The following SRCAP variants were observed in gnomAD, a reference collection of about 807,000 sequenced individuals.
SRCAP encodes the protein chromatin remodeling protein SRCAP.
In SRCAP, 46 loss-of-function variants were observed where a neutral mutation model predicts 263.1. That is an observed-to-expected ratio of 0.17 (90% CI 0.14 to 0.22). SRCAP has a LOEUF of 0.22. Among genes scored for constraint, SRCAP ranks in the 10% least tolerant of loss-of-function variants. The pLI, the probability that SRCAP is intolerant of heterozygous loss-of-function variation, is 1.00. For missense variants in SRCAP, 3,695 were observed against 4,181.9 expected (o/e 0.88, Z 3.21); for synonymous variants, 1,813 against 1,662.1 (o/e 1.09, Z -2.21).
intron 18 of SRCAP, 99 bp downstream of exon 18, chr16:30,716,578 A>G (rs1228894139): frequency 6.8e-6 from 7 of 1,023,840 alleles, no homozygotes; most frequent in African/African-American, 1.6e-5. Context: ...TTGCATCCTC[A>G]TGACTCCCCT....
chr16:30,736,099 G>C, intron 31 of SRCAP, 101 bp from the exon 32 acceptor site: 1 of 1,427,942 alleles, frequency 7.0e-7, no homozygotes, highest in Non-Finnish European at 9.5e-7. Context: ...TGCAAACCTA[G>C]TTTGGTGTAC....
chr16:30,699,661 TC>T (rs2052743663), intron 1 of SRCAP, among the ~76,000 whole-genome samples: 1 of 152,130 alleles, frequency 6.6e-6, no homozygotes, highest in Admixed American at 6.5e-5. Flanking sequence ...TTTTTTGTCT[TC>T]CATTCTGTGG....
In SRCAP at chr16:30,739,574, T is replaced by TGAG. The variant is rs376601598; in HGVS notation, c.9543_9545dup (p.Glu3182dup). 6 of 1,605,702 alleles carry TGAG rather than the reference T, an allele frequency of 3.7e-6. No homozygotes were observed. The highest frequency in any genetic ancestry group is 4.5e-5 in the East Asian group (2 of 44,414). On this transcript the variant is annotated inframe_insertion, in exon 34 of 34. Coordinates refer to ENST00000262518, the MANE Select transcript of SRCAP (RefSeq NM_006662.3). ...AGGAGTCTGAGGCTGAAGCCTCAGG[T>TGAG]GAGGAGGAGGAAGGGGATGGGACCC...
chr16:30,722,703 A>T lies in SRCAP; in HGVS notation c.3847A>T (p.Thr1283Ser), dbSNP rs749331646. ...GCTGCCTTCTTCGACCCCCAGCACC[A>T]CCCCTGCCCCTACTGGCCTCAGCCT... is the stretch of plus-strand genomic sequence containing the variant. The part of the protein sequence containing the change: ...SVLPSSTPST[T>S]PAPTGLSLPL... The change falls in exon 23 of 34, where the codon ACC becomes TCC. Residue 1283 changes from threonine (T) to serine (S), a missense_variant. Around this residue, in one of 12 missense-constraint regions of SRCAP, gnomAD observed 1,347 missense variants for 1,304.4 expected, o/e 1.03. Transcript: ENST00000262518. 2.5e-6 allele frequency: 4 copies of T among 1,611,004 alleles called. No individual in the cohort carries two copies. The highest frequency in any genetic ancestry group is 3.4e-6 in the Non-Finnish European group (4 of 1,179,112).
chr16:30,702,597 T>TTCCCTCCC (rs1246216418), intron 3 of SRCAP, among the ~76,000 whole-genome samples: 3 of 89,094 alleles, frequency 3.4e-5, no homozygotes, highest in South Asian at 4.8e-4. Flanking sequence ...CTTCCCTGCC[T>TTCCCTCCC]TCCCTCCCTC....
At chr16:30,706,509 T>A (rs2052828942) in intron 4 of SRCAP, among the ~76,000 whole-genome samples, 1 of 152,072 alleles carries the variant, frequency 6.6e-6, no homozygotes, top group African/African-American at 2.4e-5. Flanking sequence ...GTCAAAAAAA[T>A]TTTAAATGCT....
At chr16:30,731,216 T>C (rs139684506) in intron 27 of SRCAP, among the ~76,000 whole-genome samples, 274 of 152,282 alleles carry the variant, frequency 1.8e-3, no homozygotes, top group African/African-American at 5.9e-3. Context: ...ATGCCCATAC[T>C]TAGAGCAATC....
At chr16:30,702,389 C>T (rs901137410) in intron 3 of SRCAP, among the ~76,000 whole-genome samples, 2 of 151,962 alleles carry the variant, frequency 1.3e-5, no homozygotes. Context: ...TCCGCCACCA[C>T]GCCCAGCTAA....
Position 30,724,684 on chromosome 16 carries a change from C to T in SRCAP, c.5260C>T (p.Leu1754=), listed in dbSNP as rs1288280339. The part of the protein sequence containing the change: ...QTLSLAPAPP[L]APASPVGPAP... ...GCTGTCTCTGGCTCCAGCACCCCCT[C>T]TGGCTCCAGCTTCTCCAGTGGGCCC... Residue 1754 remains leucine, a synonymous_variant, in exon 25 of 34, where the codon CTG becomes TTG. Transcript: ENST00000262518. The T allele has an allele frequency of 1.9e-6, 3 of 1,614,068 alleles. No individual in the cohort carries two copies. Among genetic ancestry groups the T allele is most frequent in the Non-Finnish European group, 2.5e-6 (3 of 1,180,042 alleles).
chr16:30,701,005 C>A, intron 3 of SRCAP, 127 bp downstream of exon 3: 1 of 864,304 alleles, frequency 1.2e-6, no homozygotes, highest in Non-Finnish European at 1.9e-6. Flanking sequence ...GGGGGCTGGG[C>A]TGTAGTATAT....
At chr16:30,717,587 C>T (rs2052964073) in intron 18 of SRCAP, among the ~76,000 whole-genome samples, 1 of 141,060 alleles carries the variant, frequency 7.1e-6, no homozygotes, top group Admixed American at 7.3e-5. Context: ...GCTGGGACCA[C>T]GGGTATGCGC....
At position 30,738,426 on chromosome 16, in the gene SRCAP, A is replaced by G; in HGVS notation, c.8386A>G (p.Met2796Val). ...ASPGSPSVRS[M>V]SGPESSPPIG... ...CCCGGGAAGCCCGTCTGTCCGCAGC[A>G]TGTCAGGGCCAGAATCCTCCCCTCC... The change falls in exon 34 of 34, where the codon ATG becomes GTG. Residue 2796 changes from methionine (M) to valine (V), a missense_variant. Physicochemically the swap from Met to Val is conservative, Grantham distance 21. Coordinates refer to ENST00000262518, the MANE Select transcript of SRCAP (RefSeq NM_006662.3). 3.2e-6 allele frequency: 5 copies of G among 1,553,254 alleles called. No individual in the cohort carries two copies. The highest frequency in any genetic ancestry group is 1.2e-5 in the South Asian group (1 of 81,278).
rs549851445 is a variant in SRCAP, at chr16:30,737,713, T to A, written c.7673T>A (p.Leu2558Ter). 6.2e-7 allele frequency: 1 copy of A among 1,614,210 alleles called. No individual in the cohort carries two copies. The highest frequency in any genetic ancestry group is 1.3e-5 in the African/African-American group (1 of 75,056). ...GAGGCAGAGCTGTGTGCCCAGGCAT[T>A]GGCATCTCCAGAGTCCCTGGAGCTG... ...RPEAELCAQA[L>*]ASPESLELAS... Residue 2558 changes from leucine to a stop codon, truncating the protein, a stop_gained, in exon 34 of 34, where the codon TTG becomes TAG. Transcript: ENST00000262518. LOFTEE classifies it high-confidence loss of function.
chr16:30,739,573 G>A lies in SRCAP; in HGVS notation c.9533G>A (p.Gly3178Asp), dbSNP rs753314735. The part of the protein sequence containing the change: ...SVEESEAEAS[G>D]EEEEGDGTPR... ...GAGGAGTCTGAGGCTGAAGCCTCAGGTGAGGAGGAGGAAGGGGATGGGACC... is the reference window on the plus strand; with the variant it reads ...GAGGAGTCTGAGGCTGAAGCCTCAGATGAGGAGGAGGAAGGGGATGGGACC... The change falls in exon 34 of 34, where the codon GGT (glycine) becomes GAT (aspartate). Residue 3178 changes from glycine (G) to aspartate (D), a missense_variant. Transcript: ENST00000262518. 4 of 1,606,322 alleles carry A rather than the reference G, an allele frequency of 2.5e-6. No homozygotes were observed. The highest frequency in any genetic ancestry group is 1.7e-4 in the Middle Eastern group (1 of 5,932).
rs757253425 is a variant in SRCAP, at chr16:30,713,648, C to G, written c.2430C>G (p.Pro810=). ...HREFKEWFSN[P]LTGMIEGSQE... Reference sequence around the variant, plus strand: ...AGTTCAAGGAGTGGTTCTCTAATCCCCTAACTGGCATGATTGAGGGCAGCC... The same window carrying G: ...AGTTCAAGGAGTGGTTCTCTAATCCGCTAACTGGCATGATTGAGGGCAGCC... The change falls in exon 16 of 34, where the codon CCC becomes CCG. Residue 810 remains proline (P), a synonymous_variant. Transcript: ENST00000262518. 1 of 1,614,104 alleles carries G rather than the reference C, an allele frequency of 6.2e-7. No homozygotes were observed. The highest frequency in any genetic ancestry group is 1.3e-5 in the African/African-American group (1 of 75,006).
intron 6 of SRCAP, among the ~76,000 whole-genome samples, chr16:30,708,058 G>A (rs568822603): frequency 8.5e-5 from 13 of 152,268 alleles, no homozygotes; most frequent in African/African-American, 2.2e-4. Flanking sequence ...CCCAGTTTCC[G>A]TCTGTATTTT....
At chr16:30,728,879 A>G (rs1287276995) in intron 25 of SRCAP, 87 bp from the exon 26 acceptor site, 15 of 1,449,998 alleles carry the variant, frequency 1.0e-5, no homozygotes, top group African/African-American at 1.4e-5. Context: ...TGGTTTCTAT[A>G]TATTTATTTC....
intron 31 of SRCAP, among the ~76,000 whole-genome samples, chr16:30,734,889 C>T (rs1315397208): frequency 6.6e-6 from 1 of 152,076 alleles, no homozygotes; most frequent in African/African-American, 2.4e-5. Flanking sequence ...TCTTCTGAAC[C>T]TCACTTTCTA....
intron 3 of SRCAP, chr16:30,701,229 C>T (rs1358707628): frequency 2.7e-5 from 5 of 185,454 alleles, no homozygotes; most frequent in East Asian, 1.4e-4. Context: ...AGTGTTCATT[C>T]CTTTCTCATA....
Sources: gnomAD v4.1 joint callset for allele counts (sites outside exome capture counted in the v4.1 genomes callset) on GRCh38, gnomAD v4.1.1 for gene constraint, gnomAD v4.1.1 regional missense constraint, MANE v1.5 for transcripts, NCBI Gene and HGNC (gene_info 2026-07-23, HGNC 2026-07-21) for gene names.